CNTN6: variants seen among roughly 807,000 people sequenced by gnomAD.
CNTN6 encodes the protein contactin-6.
In CNTN6, 137 loss-of-function variants were observed where a neutral mutation model predicts 122.8. That is an observed-to-expected ratio of 1.12 (90% CI 0.97 to 1.29). The LOEUF is 1.29. CNTN6 is among the 50% of genes most tolerant of loss of function. The pLI is 0.00. For synonymous variants in CNTN6, 570 were observed against 426.0 expected (o/e 1.34, Z -4.16); for missense variants, 1,634 against 1,223.4 (o/e 1.34, Z -5.01).
At chr3:1,379,900 T>C (rs1317410508) in intron 17 of CNTN6, among the ~76,000 whole-genome samples, 1 of 152,158 alleles carries the variant, frequency 6.6e-6, no homozygotes, top group Non-Finnish European at 1.5e-5. Context: ...GCCACCAGAA[T>C]GCAGGTAGTA....
At chr3:1,394,309 G>T in intron 20 of CNTN6, 1 of 183,736 alleles carries the variant, frequency 5.4e-6, no homozygotes, top group Non-Finnish European at 1.1e-5. Flanking sequence ...CCCCGAAACA[G>T]GGCTCCACTG....
chr3:1,224,374 A>T (rs1575309773), intron 3 of CNTN6, among the ~76,000 whole-genome samples: 1 of 152,098 alleles, frequency 6.6e-6, no homozygotes, highest in African/African-American at 2.4e-5. Flanking sequence ...GATTATACTC[A>T]ATGATAATGT....
At chr3:1,219,772 T>C (rs559293500) in intron 2 of CNTN6, among the ~76,000 whole-genome samples, 25 of 152,188 alleles carry the variant, frequency 1.6e-4, no homozygotes, top group Non-Finnish European at 2.4e-4. Context: ...TCCCAGCACA[T>C]TGGGAGGCTG....
intron 1 of CNTN6, among the ~76,000 whole-genome samples, chr3:1,124,240 A>T (rs745800851): frequency 4.0e-5 from 6 of 151,892 alleles, no homozygotes; most frequent in Non-Finnish European, 4.4e-5. Context: ...ACAACAAAGG[A>T]TTAGCCAGGC....
chr3:1,245,911 A>T (rs530313165), intron 4 of CNTN6, among the ~76,000 whole-genome samples: 1 of 150,322 alleles, frequency 6.7e-6, no homozygotes, highest in Admixed American at 6.8e-5. Flanking sequence ...TTAGCTGATG[A>T]GCTAAAAAAA....
In CNTN6 at chr3:1,278,452, C is replaced by T. The variant is rs760689390; in HGVS notation, c.398C>T (p.Ser133Phe). Residue 133 changes from serine to phenylalanine, a missense_variant, in exon 5 of 23, where the codon TCT (serine) becomes TTT (phenylalanine). Physicochemically the swap from Ser to Phe is radical, Grantham distance 155. Transcript: ENST00000446702. ...GAAACTAAAACAAGAAGCACAGTATCTGTCCGAGAAGGTCAAGGTGTGGTG... is the reference window on the plus strand; with the variant it reads ...GAAACTAAAACAAGAAGCACAGTATTTGTCCGAGAAGGTCAAGGTGTGGTG... Reference protein sequence around the residue: ...DFETKTRSTVSVREGQGVVLL... With the variant: ...DFETKTRSTVFVREGQGVVLL... 4 of 1,612,094 alleles carry T rather than the reference C, an allele frequency of 2.5e-6. No homozygotes were observed. The highest frequency in any genetic ancestry group is 1.1e-5 in the South Asian group (1 of 90,882).
chr3:1,372,790 TG>T (rs1382221458), intron 13 of CNTN6, 47 bp from the exon 14 acceptor site: 10 of 1,144,164 alleles, frequency 8.7e-6, no homozygotes, highest in African/African-American at 6.2e-5. Flanking sequence ...AAGTAGGACT[TG>T]TTATATGGGC....
chr3:1,295,635 C>T lies in CNTN6; in HGVS notation c.489C>T (p.Pro163=). 1.2e-6 allele frequency: 2 copies of T among 1,613,824 alleles called. No individual in the cohort carries two copies. Among genetic ancestry groups the T allele is most frequent in the Non-Finnish European group, 1.7e-6 (2 of 1,179,862 alleles). Residue 163 remains proline (P), a synonymous_variant, in exon 6 of 23, where the codon CCC becomes CCT. Transcript: ENST00000446702. ...ATGCATGGACCTTCAATGATAACCC[C>T]TTATACGTCCAAGAGGACAATAGGC... ...LSYAWTFNDN[P]LYVQEDNRRF... is the part of the protein sequence containing the mutation.
At chr3:1,259,840 A>G (rs988401964) in intron 4 of CNTN6, among the ~76,000 whole-genome samples, 10 of 152,134 alleles carry the variant, frequency 6.6e-5, no homozygotes, top group African/African-American at 2.4e-4. Flanking sequence ...TTTGCAGTAT[A>G]CTATATGTAA....
In CNTN6 at chr3:1,155,958, C is replaced by G. The variant is rs1254070257; in HGVS notation, c.55+7895C>G. ...ACTCTATGTCAAGACCTTTACAGAT[C>G]CCATCTCCTATAAAGTTCAAACTGT... On this transcript the variant is annotated intron_variant, in intron 2 of 22. Transcript: ENST00000446702. Among the ~76,000 whole-genome samples the G allele has an allele frequency of 2.0e-5, 3 of 152,320 alleles. No individual in the cohort carries two copies. The East Asian group carries it at 5.8e-4, about 29-fold the overall frequency.
At chr3:1,162,248 A>C (rs2093151427) in intron 2 of CNTN6, among the ~76,000 whole-genome samples, 1 of 151,902 alleles carries the variant, frequency 6.6e-6, no homozygotes, top group South Asian at 2.1e-4. Flanking sequence ...GCCTGGAAAC[A>C]ATAATGATTT....
chr3:1,094,051 T>G (rs987053711), intron 1 of CNTN6, among the ~76,000 whole-genome samples: 10 of 152,204 alleles, frequency 6.6e-5, no homozygotes, highest in African/African-American at 2.4e-4. Flanking sequence ...CAGAATCAAT[T>G]TGGAAAATGA....
intron 5 of CNTN6, among the ~76,000 whole-genome samples, chr3:1,280,606 A>T (rs1693233392): frequency 6.6e-6 from 1 of 151,340 alleles, no homozygotes; most frequent in South Asian, 2.1e-4. Flanking sequence ...CTGGGATTAC[A>T]TTTGCACACA....
At chr3:1,200,009 C>A (rs564842147) in intron 2 of CNTN6, among the ~76,000 whole-genome samples, 1 of 151,892 alleles carries the variant, frequency 6.6e-6, no homozygotes, top group Non-Finnish European at 1.5e-5. Flanking sequence ...ATAGATAAAG[C>A]GGTAGAAAAC....
At chr3:1,104,081 T>C (rs2091094374) in intron 1 of CNTN6, among the ~76,000 whole-genome samples, 1 of 152,136 alleles carries the variant, frequency 6.6e-6, no homozygotes, top group African/African-American at 2.4e-5. Context: ...GATGCAACTA[T>C]GAACAAGACA....
At chr3:1,200,148 T>C (rs1280472535) in intron 2 of CNTN6, among the ~76,000 whole-genome samples, 1 of 152,162 alleles carries the variant, frequency 6.6e-6, no homozygotes, top group Non-Finnish European at 1.5e-5. Flanking sequence ...ACTCTCCTGC[T>C]TCAGTCTCAT....
At chr3:1,138,154 G>A (rs79881387) in intron 1 of CNTN6, among the ~76,000 whole-genome samples, 9,730 of 152,188 alleles carry the variant, frequency 0.064, 1,031 homozygotes, top group African/African-American at 0.22. Flanking sequence ...CTCTTAAACC[G>A]TGATGCTCGG....
At chr3:1,382,055 G>A (rs1261005406) in intron 17 of CNTN6, among the ~76,000 whole-genome samples, 4 of 151,748 alleles carry the variant, frequency 2.6e-5, no homozygotes, top group Non-Finnish European at 5.9e-5. Flanking sequence ...GGGACTAGAA[G>A]CACTGTGTCC....
chr3:1,103,201 A>G (rs373476291), intron 1 of CNTN6, among the ~76,000 whole-genome samples: 4 of 152,350 alleles, frequency 2.6e-5, no homozygotes, highest in African/African-American at 9.6e-5. Flanking sequence ...ACTTGTTTAA[A>G]GTGGAACATG....
Sources: allele counts gnomAD v4.1 joint callset (sites outside exome capture counted in the v4.1 genomes callset), GRCh38; gene constraint gnomAD v4.1.1; transcripts MANE v1.5; gene names NCBI Gene and HGNC (gene_info 2026-07-23, HGNC 2026-07-21).